Variants in LCP1 observed in about 807,000 individuals in gnomAD.
LCP1 encodes plastin-2.
In LCP1, 23 loss-of-function variants were observed where a neutral mutation model predicts 72.0. The observed-to-expected ratio is 0.32, with a 90% CI of 0.23 to 0.45. The LOEUF is 0.45. Ranked by LOEUF, LCP1 falls within the 20% of genes least tolerant of loss-of-function variation. The pLI, the probability that LCP1 is intolerant of heterozygous loss-of-function variation, is 1.00. For missense variants in LCP1, 571 were observed against 748.3 expected (o/e 0.76, Z 2.76); for synonymous variants, 245 against 275.4 (o/e 0.89, Z 1.09).
chr13:46,133,676 A>T (rs1347167753), intron 14 of LCP1, among the ~76,000 whole-genome samples: 1 of 151,750 alleles, frequency 6.6e-6, no homozygotes, highest in Non-Finnish European at 1.5e-5. Context: ...ATTAAAAAAT[A>T]AATTAAAATT....
intron 8 of LCP1, among the ~76,000 whole-genome samples, chr13:46,150,015 C>T (rs2045754347): frequency 6.6e-6 from 1 of 152,184 alleles, no homozygotes; most frequent in Admixed American, 6.5e-5. Context: ...CTCTGACTGG[C>T]ACAGTGCCTG....
Position 46,144,425 on chromosome 13 carries a change from T to C in LCP1, c.1253+17A>G. ...GGTCTCTATCTTACATTAGAATGAG[T>C]TCCCAAATATTCCTACCTGTACAAA... On this transcript the variant is annotated intron_variant, in intron 11 of 15. Transcript: ENST00000323076. 2.5e-6 allele frequency: 4 copies of C among 1,589,856 alleles called. No individual in the cohort carries two copies. The highest frequency in any genetic ancestry group is 3.5e-6 in the Non-Finnish European group (4 of 1,158,364).
At chr13:46,142,744 A>C (rs1376552170) in intron 12 of LCP1, 1 of 486,772 alleles carries the variant, frequency 2.1e-6, no homozygotes, top group Non-Finnish European at 4.0e-6. Context: ...TTTCTAAAAA[A>C]GGTGAATTCA....
At chr13:46,163,283 C>T (rs1226256940) in intron 1 of LCP1, among the ~76,000 whole-genome samples, 1 of 152,206 alleles carries the variant, frequency 6.6e-6, no homozygotes, top group Non-Finnish European at 1.5e-5. Flanking sequence ...CCATTTTGTT[C>T]TGTATTAAGA....
chr13:46,167,309 C>G (rs1265703716), intron 1 of LCP1, among the ~76,000 whole-genome samples: 1 of 152,214 alleles, frequency 6.6e-6, no homozygotes, highest in African/African-American at 2.4e-5. Context: ...CGAGGGGCTT[C>G]TGAAGCTGTG....
At position 46,130,840 on chromosome 13, in the gene LCP1, A is replaced by G. The variant is rs150402001; in HGVS notation, c.1725T>C (p.Asn575=). Residue 575 remains asparagine (N), a synonymous_variant, in exon 15 of 16, where the codon AAT becomes AAC. Transcript: ENST00000323076. ...TTGCATTGTTGAGTTTCTCATCATCATTCAGATTTTCTGTCTTCAGAAGGT... is the reference window on the plus strand; with the variant it reads ...TTGCATTGTTGAGTTTCTCATCATCGTTCAGATTTTCTGTCTTCAGAAGGT... ...NYDLLKTENL[N]DDEKLNNAKY... is the part of the protein sequence containing the mutation. 22 of 1,613,366 alleles carry G rather than the reference A, an allele frequency of 1.4e-5. No homozygotes were observed. The East Asian group carries it at 2.7e-4, about 20-fold the overall frequency.
In LCP1 at chr13:46,125,928, G is replaced by C. The variant is rs546583472; in HGVS notation, c.*1663C>G. ...AAACATCCAGAGACACCTAATATAGGGAACATTTTATTTGGAAAGATTTTG... is the reference window on the plus strand; with the variant it reads ...AAACATCCAGAGACACCTAATATAGCGAACATTTTATTTGGAAAGATTTTG... On this transcript the variant is annotated 3_prime_UTR_variant, in exon 16 of 16. Coordinates refer to ENST00000323076, the MANE Select transcript of LCP1 (RefSeq NM_002298.5). The C allele has an allele frequency of 5.5e-6, 1 of 183,146 alleles. No individual in the cohort carries two copies. The highest frequency in any genetic ancestry group is 6.3e-5 in the Admixed American group (1 of 15,960). The allele number at this position is 183,146 out of a possible 1,614,324, so 11.3% of individuals were successfully genotyped here.
intron 12 of LCP1, chr13:46,142,703 G>T (rs970345737): frequency 3.7e-6 from 2 of 541,584 alleles, no homozygotes; most frequent in Non-Finnish European, 7.0e-6. Context: ...TGCAGAAATG[G>T]AGAGCCATCC....
intron 6 of LCP1, 98 bp from the exon 7 acceptor site, chr13:46,153,043 C>G: frequency 2.5e-6 from 3 of 1,206,780 alleles, no homozygotes; most frequent in Non-Finnish European, 3.4e-6. Context: ...CTGCGAAGGT[C>G]ACAGGTTTAG....
In LCP1 at chr13:46,127,539, T is replaced by C; in HGVS notation, c.*52A>G. 19 of 1,608,548 alleles carry C rather than the reference T, an allele frequency of 1.2e-5. No homozygotes were observed. Among genetic ancestry groups the C allele is most frequent in the Non-Finnish European group, 1.5e-5 (18 of 1,176,732 alleles). On this transcript the variant is annotated 3_prime_UTR_variant, in exon 16 of 16. Transcript: ENST00000323076. ...GCTTGAATCATCCCTGGAGCATCTG[T>C]GCCGGGCAGTCAGGAGTGAGTGCAC...
At chr13:46,130,132 G>A (rs2045624793) in intron 15 of LCP1, among the ~76,000 whole-genome samples, 1 of 152,216 alleles carries the variant, frequency 6.6e-6, no homozygotes, top group Non-Finnish European at 1.5e-5. Context: ...CTTCGTTGTG[G>A]CAGCCCAAGG....
chr13:46,139,581 T>C (rs543890921), intron 13 of LCP1, among the ~76,000 whole-genome samples: 1 of 152,316 alleles, frequency 6.6e-6, no homozygotes, highest in South Asian at 2.1e-4. Flanking sequence ...CACACTAACA[T>C]AGGATCTAAT....
At chr13:46,177,195 ATTCT>A (rs1219224124) in intron 1 of LCP1, among the ~76,000 whole-genome samples, 1 of 152,220 alleles carries the variant, frequency 6.6e-6, no homozygotes, top group East Asian at 1.9e-4. Flanking sequence ...GCAATGTTTC[ATTCT>A]TTCTCAGTTT....
chr13:46,176,631 GT>G lies in LCP1; in HGVS notation c.-25+5479del, dbSNP rs1453143926. 2.3e-4 allele frequency among the ~76,000 whole-genome samples: 35 copies of G among 151,978 alleles called. No individual in the cohort carries two copies. The Admixed American group carries it at 2.3e-3, about 10-fold the overall frequency. On this transcript the variant is annotated intron_variant, in intron 1 of 15. Coordinates refer to ENST00000323076, the MANE Select transcript of LCP1 (RefSeq NM_002298.5). ...CCAGACTGAGGAAACAAAATGCAGG[GT>G]ATTATTTAAATACAAGGTAATTGTT...
chr13:46,152,059 G>A (rs1238425311), intron 7 of LCP1, among the ~76,000 whole-genome samples: 1 of 152,168 alleles, frequency 6.6e-6, no homozygotes, highest in Non-Finnish European at 1.5e-5. Context: ...GGTGTGTAAC[G>A]TGATGTTTTG....
chr13:46,143,279 T>C lies in LCP1; in HGVS notation c.1368+11A>G. Reference sequence around the variant, plus strand: ...CCTGTCTCCTGGAACAACAGAACCATCATTGTTTACCTTCTTCATATTGCC... The same window carrying C: ...CCTGTCTCCTGGAACAACAGAACCACCATTGTTTACCTTCTTCATATTGCC... On this transcript the variant is annotated intron_variant, in intron 12 of 15. Coordinates refer to ENST00000323076, the MANE Select transcript of LCP1 (RefSeq NM_002298.5). 6.3e-7 allele frequency: 1 copy of C among 1,582,694 alleles called. No individual in the cohort carries two copies. The highest frequency in any genetic ancestry group is 8.7e-7 in the Non-Finnish European group (1 of 1,151,542).
At chr13:46,130,735 T>C (rs2045628607) in intron 15 of LCP1, 79 bp downstream of exon 15, 1 of 1,509,674 alleles carries the variant, frequency 6.6e-7, no homozygotes, top group Non-Finnish European at 9.1e-7. Context: ...TATAAAGGCA[T>C]GAGCATTAGA....
chr13:46,134,319 A>G, intron 13 of LCP1, 69 bp from the exon 14 acceptor site: 1 of 1,523,852 alleles, frequency 6.6e-7, no homozygotes, highest in Non-Finnish European at 9.0e-7. Context: ...AAAAGTAGCT[A>G]AGGATGGAAT....
Position 46,127,662 on chromosome 13 carries a change from C to T in LCP1, c.1813G>A (p.Val605Ile). 1 of 1,614,194 alleles carries T rather than the reference C, an allele frequency of 6.2e-7. No individual in the cohort carries two copies. The highest frequency in any genetic ancestry group is 8.5e-7 in the Non-Finnish European group (1 of 1,180,028). ...ARVYALPEDL[V>I]EVNPKMVMTV... ...ATGACCATTTTGGGGTTCACTTCAACCAGGTCTTCTGGCAGGGCATACACT... is the reference window on the plus strand; with the variant it reads ...ATGACCATTTTGGGGTTCACTTCAATCAGGTCTTCTGGCAGGGCATACACT... The change falls in exon 16 of 16, where the codon GTT becomes ATT. Residue 605 changes from valine (V) to isoleucine (I), a missense_variant. Coordinates refer to ENST00000323076, the MANE Select transcript of LCP1 (RefSeq NM_002298.5).
Sources: gnomAD v4.1 joint callset for allele counts (sites outside exome capture counted in the v4.1 genomes callset) on GRCh38, gnomAD v4.1.1 for gene constraint, MANE v1.5 for transcripts, NCBI Gene and HGNC (gene_info 2026-07-23, HGNC 2026-07-21) for gene names.